Variants in ATPAF1 observed in about 807,000 individuals in gnomAD.
The protein encoded by ATPAF1 is ATP synthase mitochondrial F1 complex assembly factor 1, also known as homolog of yeast ATP11.
ATPAF1 carries 26 observed loss-of-function variants against 43.9 expected under a neutral mutation model. The ratio of observed to expected loss-of-function variants is 0.59; its 90% CI spans 0.43 to 0.82. The LOEUF is 0.82. Among genes scored for constraint, ATPAF1 ranks in the 40% least tolerant of loss-of-function variants. The pLI is 0.00. For missense variants in ATPAF1, 366 were observed against 435.0 expected, an observed-to-expected ratio of 0.84 and a Z score of 1.41; for synonymous variants, 157 against 168.0, an observed-to-expected ratio of 0.93 and a Z score of 0.50.
intron 2 of ATPAF1, among the ~76,000 whole-genome samples, chr1:46,663,413 T>A (rs1676431080): frequency 6.6e-6 from 1 of 152,216 alleles, no homozygotes. Flanking sequence ...TGTAAAAGTG[T>A]TCCTATTTCT....
intron 2 of ATPAF1, among the ~76,000 whole-genome samples, chr1:46,662,109 T>C (rs187805940): frequency 5.3e-5 from 8 of 152,158 alleles, no homozygotes; most frequent in Non-Finnish European, 8.8e-5. Context: ...TTAGCCAGGA[T>C]GGTCTCAATC....
intron 7 of ATPAF1, among the ~76,000 whole-genome samples, chr1:46,644,311 T>TG (rs5773918): frequency 0.92 from 140,097 of 152,130 alleles, 65,257 homozygotes; most frequent in Non-Finnish European, 1. Context: ...TTAGACAATG[T>TG]AACTAACATC....
chr1:46,662,351 A>G (rs184969360), intron 2 of ATPAF1, among the ~76,000 whole-genome samples: 91 of 152,258 alleles, frequency 6.0e-4, no homozygotes, highest in African/African-American at 2.0e-3. Context: ...TTGTTAAAAT[A>G]TTTGTAGTAA....
rs558422769 is a variant in ATPAF1, at chr1:46,635,600, T to G, written c.*176A>C. 5.0e-6 allele frequency: 3 copies of G among 595,026 alleles called. No homozygotes were observed. In the South Asian group the frequency reaches 7.3e-5, roughly 14 times the overall value. 36.9% of individuals were successfully genotyped at this position (595,026 alleles called of 1,614,324 possible). ...AATTATCAGAATGTTCAGGTACCTT[T>G]GTTCCTGAATATCAAGTAATAGGGC... On this transcript the variant is annotated 3_prime_UTR_variant, in exon 9 of 9. Coordinates refer to ENST00000574428, the Ensembl canonical transcript of ATPAF1.
intron 7 of ATPAF1, 130 bp from the exon 8 acceptor site, chr1:46,643,431 C>G: frequency 4.5e-6 from 3 of 668,994 alleles, no homozygotes; most frequent in Non-Finnish European, 7.7e-6. Context: ...AGTTGGAGGA[C>G]TGGTATGTGG....
chr1:46,651,077 C>T (rs1676158366), intron 6 of ATPAF1, among the ~76,000 whole-genome samples: 1 of 151,936 alleles, frequency 6.6e-6, no homozygotes, highest in Admixed American at 6.5e-5. Context: ...TATACATGTG[C>T]CATGCTAGTG....
chr1:46,655,421 A>G (rs1569623666), intron 4 of ATPAF1, among the ~76,000 whole-genome samples: 1 of 152,196 alleles, frequency 6.6e-6, no homozygotes, highest in African/African-American at 2.4e-5. Flanking sequence ...GTTGACCTTC[A>G]TGATGCAAAT....
downstream of ATPAF1, chr1:46,635,004 T>TA (rs1226914928): frequency 6.6e-6 from 1 of 152,668 alleles, no homozygotes; most frequent in African/African-American, 2.4e-5. Flanking sequence ...GTATCATGTT[T>TA]AGAGTTGTTT....
At chr1:46,668,403 T>C, upstream of ATPAF1, 1 of 1,157,064 alleles carries the variant, frequency 8.6e-7, no homozygotes, top group Non-Finnish European at 1.1e-6. This position sits in a 1 kb window ranked among gnomAD's most constrained non-coding sequence, Gnocchi z 4.4. Flanking sequence ...CCGCTCCGAG[T>C]GCGCCGCGCC....
At chr1:46,662,511 C>T (rs1273398887) in intron 2 of ATPAF1, among the ~76,000 whole-genome samples, 1 of 150,994 alleles carries the variant, frequency 6.6e-6, no homozygotes, top group East Asian at 2.0e-4. Context: ...ACTGTAACCT[C>T]CGCCTCCCAG....
At chr1:46,655,795 T>G (rs1238867488) in intron 4 of ATPAF1, among the ~76,000 whole-genome samples, 1 of 152,206 alleles carries the variant, frequency 6.6e-6, no homozygotes, top group Non-Finnish European at 1.5e-5. Flanking sequence ...CCATGCAGTT[T>G]CCCTTGATAT....
At chr1:46,637,987 A>C (rs905281181) in intron 8 of ATPAF1, among the ~76,000 whole-genome samples, 1 of 152,228 alleles carries the variant, frequency 6.6e-6, no homozygotes, top group Non-Finnish European at 1.5e-5. Context: ...GATGAAGGCC[A>C]ATAACTACTT....
chr1:46,649,412 C>T (rs1676122389), intron 6 of ATPAF1, among the ~76,000 whole-genome samples: 1 of 152,134 alleles, frequency 6.6e-6, no homozygotes, highest in African/African-American at 2.4e-5. Context: ...GTGCCAATAC[C>T]ATACTGTTTT....
At chr1:46,657,809 G>A (rs1053230454) in intron 4 of ATPAF1, among the ~76,000 whole-genome samples, 6 of 151,912 alleles carry the variant, frequency 3.9e-5, no homozygotes, top group Non-Finnish European at 1.5e-5. Flanking sequence ...TATTATGGGT[G>A]GAGTGGAAAA....
chr1:46,647,104 A>G (rs143763776), intron 6 of ATPAF1, among the ~76,000 whole-genome samples: 1 of 152,314 alleles, frequency 6.6e-6, no homozygotes, highest in African/African-American at 2.4e-5. Context: ...TAGTTGATGT[A>G]TTACTCTTTA....
chr1:46,644,562 C>T (rs1676004696), intron 7 of ATPAF1, among the ~76,000 whole-genome samples: 1 of 140,230 alleles, frequency 7.1e-6, no homozygotes, highest in Non-Finnish European at 1.6e-5. Context: ...ATAATTCGTG[C>T]TTGTTTTTTG....
At chr1:46,651,242 A>C (rs1260033969) in intron 6 of ATPAF1, among the ~76,000 whole-genome samples, 1 of 151,792 alleles carries the variant, frequency 6.6e-6, no homozygotes, top group Non-Finnish European at 1.5e-5. Flanking sequence ...GAGTGAGAAC[A>C]TGCGGTGTTT....
Position 46,650,990 on chromosome 1 carries a change from T to TTTTA in ATPAF1, c.588+1587_588+1590dup, listed in dbSNP as rs776593927. On this transcript the variant is annotated intron_variant, in intron 6 of 8. Transcript: ENST00000574428. ...AACAATAATTTATTGTATATTTTCT[T>TTTTA]TTTATTTATTTATTTATTATTATTA... Among the ~76,000 whole-genome samples, 30 of 152,110 alleles carry TTTTA rather than the reference T, an allele frequency of 2.0e-4. No homozygotes were observed. In the East Asian group the frequency reaches 2.9e-3, roughly 15 times the overall value.
chr1:46,653,085 C>A lies in ATPAF1; in HGVS notation c.541-457G>T, dbSNP rs1676201770. 6.6e-6 allele frequency among the ~76,000 whole-genome samples: 1 copy of A among 152,048 alleles called. No individual in the cohort carries two copies. Among genetic ancestry groups the A allele is most frequent in the Admixed American group, 6.6e-5 (1 of 15,258 alleles). ...AACCACCAAAAGGCCTGGCTTTATCCTTCCATCTATATGTTTTCCTCCTTA... is the reference window on the plus strand; with the variant it reads ...AACCACCAAAAGGCCTGGCTTTATCATTCCATCTATATGTTTTCCTCCTTA... On this transcript the variant is annotated intron_variant, in intron 5 of 8. Coordinates refer to ENST00000574428, the Ensembl canonical transcript of ATPAF1. The surrounding 1 kb of genome is among the most constrained non-coding windows in gnomAD (Gnocchi z 4.8).
Sources: gnomAD v4.1 joint callset for allele counts (sites outside exome capture counted in the v4.1 genomes callset) on GRCh38, gnomAD v4.1.1 for gene constraint, Gnocchi (gnomAD v3.1) non-coding constraint, MANE v1.5 for transcripts, NCBI Gene and HGNC (gene_info 2026-07-23, HGNC 2026-07-21) for gene names.